CIITA: variants seen among roughly 807,000 people sequenced by gnomAD.
CIITA encodes the protein class II major histocompatibility complex transactivator.
Under a neutral mutation model 115.1 loss-of-function variants are expected in CIITA, and 72 were observed. That is an observed-to-expected ratio of 0.63 (90% CI 0.52 to 0.76). CIITA has a LOEUF of 0.76. CIITA is among the 30% of genes least tolerant of loss of function. The pLI, the probability that CIITA is intolerant of heterozygous loss-of-function variation, is 0.00. For synonymous variants in CIITA, 763 were observed against 635.6 expected, an observed-to-expected ratio of 1.20 and a Z score of -3.02; for missense variants, 1,617 against 1,463.8, an observed-to-expected ratio of 1.10 and a Z score of -1.71.
chr16:10,902,206 G>T, intron 7 of CIITA, 22 bp downstream of exon 7: 1 of 1,613,848 alleles, frequency 6.2e-7, no homozygotes, highest in Non-Finnish European at 8.5e-7. Flanking sequence ...GGCTTGGAGA[G>T]AGTGGGCTTT....
Position 10,923,742 on chromosome 16 carries a change from C to T in CIITA, c.*23-136C>T, listed in dbSNP as rs142675370. On this transcript the variant is annotated intron_variant, in intron 19 of 19. Coordinates refer to ENST00000324288, the MANE Select transcript of CIITA (RefSeq NM_000246.4). The surrounding 1 kb of genome is among the most constrained non-coding windows in gnomAD (Gnocchi z 5.2). Reference sequence around the variant, plus strand: ...CACTGTCCCCCAGCCCTGTGCTCCCCGCACTGTGCTGCACGTCCACCTCCA... The same window carrying T: ...CACTGTCCCCCAGCCCTGTGCTCCCTGCACTGTGCTGCACGTCCACCTCCA... 99 of 252,748 alleles carry T rather than the reference C, an allele frequency of 3.9e-4. No individual in the cohort carries two copies. In the East Asian group the frequency reaches 9.2e-3, roughly 24 times the overall value. 15.7% of individuals were successfully genotyped at this position (252,748 alleles called of 1,614,324 possible).
chr16:10,881,041 A>G (rs1038061491), intron 1 of CIITA, among the ~76,000 whole-genome samples: 3 of 152,198 alleles, frequency 2.0e-5, no homozygotes, highest in African/African-American at 7.2e-5. Context: ...TGGGAGGCCG[A>G]GGCGGGTGGA....
Position 10,934,877 on chromosome 16 carries a change from C to T in CIITA, c.*11022C>T, listed in dbSNP as rs1269417263. The T allele has an allele frequency of 6.6e-6, 1 of 152,228 alleles. No individual in the cohort carries two copies. Among genetic ancestry groups the T allele is most frequent in the African/African-American group, 2.4e-5 (1 of 41,448 alleles). 9.4% of individuals were successfully genotyped at this position (152,228 alleles called of 1,614,324 possible). ...TCGCTGGGTACCAATTATCACCGCC[C>T]TTGGGCTACTTCAAAGGCTGCCCAC... is the stretch of plus-strand genomic sequence containing the variant. On this transcript the variant is annotated 3_prime_UTR_variant, in exon 20 of 20. Transcript: ENST00000324288. This position sits in a 1 kb window ranked among gnomAD's most constrained non-coding sequence, Gnocchi z 4.2.
chr16:10,871,592 G>A (rs1322202960), intron 1 of CIITA, among the ~76,000 whole-genome samples: 2 of 152,172 alleles, frequency 1.3e-5, no homozygotes, highest in Admixed American at 6.5e-5. Flanking sequence ...CCCACCCTTA[G>A]GGATCGCTAA....
intron 12 of CIITA, among the ~76,000 whole-genome samples, chr16:10,909,793 G>C (rs2144788133): frequency 6.6e-6 from 1 of 152,240 alleles, no homozygotes; most frequent in South Asian, 2.1e-4. Context: ...GAATACAGTA[G>C]TGCGATCATA....
chr16:10,882,794 G>A (rs2036557659), intron 1 of CIITA, among the ~76,000 whole-genome samples: 2 of 152,062 alleles, frequency 1.3e-5, no homozygotes, highest in Non-Finnish European at 2.9e-5. Context: ...CTACTCGGTA[G>A]GCTGGTGGAG....
chr16:10,936,740 G>A (rs1231167953), downstream of CIITA: 1 of 152,232 alleles, frequency 6.6e-6, no homozygotes, highest in Admixed American at 6.5e-5. Context: ...CAAACCCTCA[G>A]TGCTGTGGCC....
At chr16:10,910,163 C>A (rs765657872) in intron 12 of CIITA, 25 bp from the exon 13 acceptor site, 42 of 1,608,570 alleles carry the variant, frequency 2.6e-5, no homozygotes, top group Non-Finnish European at 3.6e-5. Context: ...TGCCTGCTCC[C>A]CCTAACATTG....
chr16:10,902,318 C>A, intron 7 of CIITA, 134 bp downstream of exon 7: 1 of 1,336,274 alleles, frequency 7.5e-7, no homozygotes, highest in South Asian at 1.3e-5. Context: ...CACCTCTGCC[C>A]CAGCCAGTTT....
chr16:10,884,403 T>A (rs370228693), intron 1 of CIITA, among the ~76,000 whole-genome samples: 16 of 152,292 alleles, frequency 1.1e-4, no homozygotes, highest in African/African-American at 3.4e-4. Flanking sequence ...CTTACCATTC[T>A]TTCATTCATT....
chr16:10,916,291 A>G, intron 14 of CIITA, 76 bp from the exon 15 acceptor site: 1 of 1,366,088 alleles, frequency 7.3e-7, no homozygotes, highest in South Asian at 1.2e-5. Context: ...AGGGCTGAGG[A>G]GGCCCTCACT....
At chr16:10,898,348 C>G (rs963249390) in intron 3 of CIITA, among the ~76,000 whole-genome samples, 1 of 151,842 alleles carries the variant, frequency 6.6e-6, no homozygotes, top group Non-Finnish European at 1.5e-5. Flanking sequence ...ATAAGTAGCC[C>G]AAGATTGCAC....
intron 10 of CIITA, among the ~76,000 whole-genome samples, chr16:10,905,309 T>C (rs1301766592): frequency 6.6e-6 from 1 of 152,200 alleles, no homozygotes; most frequent in Non-Finnish European, 1.5e-5. Flanking sequence ...GTGGGATGTA[T>C]AGCATGCTCA....
downstream of CIITA, chr16:10,939,703 T>G (rs2041075397): frequency 1.3e-5 from 2 of 152,288 alleles, no homozygotes; most frequent in African/African-American, 4.8e-5. This position sits in a 1 kb window ranked among gnomAD's most constrained non-coding sequence, Gnocchi z 4.9. Context: ...ACTCCATGTC[T>G]ACACCTACAG....
intron 15 of CIITA, 69 bp from the exon 16 acceptor site, chr16:10,918,371 C>A: frequency 7.4e-7 from 1 of 1,348,402 alleles, no homozygotes; most frequent in Non-Finnish European, 1.1e-6. Context: ...TGACCCAGAA[C>A]TCTCCTTGAG....
At position 10,909,161 on chromosome 16, in the gene CIITA, C is replaced by G. The variant is rs1425328008; in HGVS notation, c.2790C>G (p.Asp930Glu). ...FKAKSLKDVE[D>E]LGKLVQTQRT... ...CCAAGTCCCTGAAGGATGTGGAAGA[C>G]CTGGGAAAGCTTGTGCAGACTCAGA... Residue 930 changes from aspartate (D) to glutamate (E), a missense_variant, in exon 12 of 20, where the codon GAC (aspartate) becomes GAG (glutamate). Transcript: ENST00000324288. The G allele has an allele frequency of 6.2e-7, 1 of 1,614,188 alleles. No individual in the cohort carries two copies. Among genetic ancestry groups the G allele is most frequent in the East Asian group, 2.2e-5 (1 of 44,890 alleles).
In CIITA at chr16:10,929,246, T is replaced by C; in HGVS notation, c.*5391T>C. 1.0e-6 allele frequency: 1 copy of C among 985,646 alleles called. No homozygotes were observed. The highest frequency in any genetic ancestry group is 1.2e-6 in the Non-Finnish European group (1 of 829,764). 61.1% of individuals were successfully genotyped at this position (985,646 alleles called of 1,614,324 possible). A position where few individuals can be genotyped will look rare whatever the true frequency, so the allele number is the denominator to read the frequency against. ...AACGGAGCTGGGAGTCGCTTTTGCG[T>C]GTGTCCGCAGTTTGAAGTGTCCTCT... is the stretch of plus-strand genomic sequence containing the variant. On this transcript the variant is annotated 3_prime_UTR_variant, in exon 20 of 20. Transcript: ENST00000324288. The surrounding 1 kb of genome is among the most constrained non-coding windows in gnomAD (Gnocchi z 4.3).
downstream of CIITA, chr16:10,940,926 C>G (rs1187723117): frequency 1.3e-5 from 2 of 152,248 alleles, no homozygotes; most frequent in African/African-American, 2.4e-5. The surrounding 1 kb of genome is among the most constrained non-coding windows in gnomAD (Gnocchi z 4.2). Flanking sequence ...GTGAAGGGAG[C>G]CTACAAAACT....
intron 3 of CIITA, among the ~76,000 whole-genome samples, chr16:10,896,026 A>G (rs981635207): frequency 2.0e-5 from 3 of 151,952 alleles, no homozygotes; most frequent in Non-Finnish European, 2.9e-5. Flanking sequence ...CTCCATTTCT[A>G]TACGCATTTC....
Sources: gnomAD v4.1 joint callset for allele counts (sites outside exome capture counted in the v4.1 genomes callset) on GRCh38, gnomAD v4.1.1 for gene constraint, Gnocchi (gnomAD v3.1) non-coding constraint, MANE v1.5 for transcripts, NCBI Gene and HGNC (gene_info 2026-07-23, HGNC 2026-07-21) for gene names.